SLC44A3: variants seen among roughly 807,000 people sequenced by gnomAD.
The protein encoded by SLC44A3 is solute carrier family 44 member 3.
A neutral mutation model predicts 75.4 loss-of-function variants in SLC44A3; 74 were observed. The observed-to-expected ratio is 0.98, with a 90% CI of 0.81 to 1.19. SLC44A3 has a LOEUF of 1.19. Among genes scored for constraint, SLC44A3 ranks in the 50% most tolerant of loss-of-function variants. The pLI is 0.00. For synonymous variants in SLC44A3, 310 were observed against 296.9 expected (o/e 1.04, Z -0.45); for missense variants, 700 against 778.6 (o/e 0.90, Z 1.20).
chr1:94,839,989 A>C lies in SLC44A3; in HGVS notation c.712A>C (p.Thr238Pro). Residue 238 changes from threonine to proline, a missense_variant, in exon 7 of 15, where the codon ACC becomes CCC. Physicochemically the swap from Thr to Pro is conservative, Grantham distance 38. Transcript: ENST00000271227. ...GATGTTTACCTTCAGATTCATCACC[A>C]CCCTTCTGGTTCACATTTTCATTTC... ...AMMFTFRFITTLLVHIFISLV... is the reference protein window; with the variant it reads ...AMMFTFRFITPLLVHIFISLV... The C allele has an allele frequency of 6.2e-7, 1 of 1,613,892 alleles. No homozygotes were observed. The highest frequency in any genetic ancestry group is 8.5e-7 in the Non-Finnish European group (1 of 1,179,972).
Position 94,820,930 on chromosome 1 carries a change from C to T in SLC44A3, c.28-19C>T. ...CACCTGTTTATCTTCTTTTTCTCAA[C>T]TCTCCCTTTTTCTGGAAGGTTTCTG... On this transcript the variant is annotated intron_variant, in intron 1 of 14. Coordinates refer to ENST00000271227, the MANE Select transcript of SLC44A3 (RefSeq NM_001114106.3). 6.5e-7 allele frequency: 1 copy of T among 1,545,962 alleles called. No individual in the cohort carries two copies. Among genetic ancestry groups the T allele is most frequent in the East Asian group, 2.4e-5 (1 of 40,872 alleles).
At chr1:94,886,640 G>A (rs1326716851) in intron 12 of SLC44A3, among the ~76,000 whole-genome samples, 1 of 152,054 alleles carries the variant, frequency 6.6e-6, no homozygotes, top group Non-Finnish European at 1.5e-5. Context: ...TCTGCTCTTT[G>A]TGGCCCTCAC....
intron 12 of SLC44A3, among the ~76,000 whole-genome samples, chr1:94,875,607 C>T (rs942397194): frequency 2.9e-5 from 4 of 137,948 alleles, no homozygotes; most frequent in African/African-American, 8.2e-5. Flanking sequence ...CTATGTAAAT[C>T]TCCCCCATAT....
At chr1:94,839,584 T>C (rs1464514320) in intron 6 of SLC44A3, among the ~76,000 whole-genome samples, 1 of 152,106 alleles carries the variant, frequency 6.6e-6, no homozygotes, top group Non-Finnish European at 1.5e-5. Flanking sequence ...AGATGGGGTT[T>C]TGCCAGGTTG....
intron 1 of SLC44A3, 26 bp from the exon 2 acceptor site, chr1:94,820,923 T>A (rs1333457011): frequency 6.5e-7 from 1 of 1,544,404 alleles, no homozygotes; most frequent in Non-Finnish European, 8.8e-7. Flanking sequence ...TATCTTCTTT[T>A]TCTCAACTCT....
chr1:94,840,060 GAT>G, intron 7 of SLC44A3, 23 bp downstream of exon 7: 1 of 1,586,062 alleles, frequency 6.3e-7, no homozygotes, highest in Non-Finnish European at 8.7e-7. Flanking sequence ...CTACTTGACT[GAT>G]TTCTTTTCGA....
intron 14 of SLC44A3, 105 bp from the exon 15 acceptor site, chr1:94,894,713 C>G: frequency 1.1e-6 from 1 of 873,170 alleles, no homozygotes; most frequent in Non-Finnish European, 1.8e-6. Context: ...TAAGTTAATT[C>G]TTCAGCAAAC....
chr1:94,869,113 T>G (rs1444334226), intron 12 of SLC44A3, among the ~76,000 whole-genome samples: 2 of 152,262 alleles, frequency 1.3e-5, no homozygotes, highest in Non-Finnish European at 2.9e-5. Flanking sequence ...TGAAACACAT[T>G]TGAAAACCTC....
chr1:94,884,341 ATG>A (rs1669329696), intron 12 of SLC44A3, among the ~76,000 whole-genome samples: 1 of 152,136 alleles, frequency 6.6e-6, no homozygotes, highest in African/African-American at 2.4e-5. Context: ...CTCACTCCAC[ATG>A]TGTTTGTGAT....
intron 11 of SLC44A3, among the ~76,000 whole-genome samples, chr1:94,866,329 G>A (rs1211471710): frequency 6.6e-6 from 1 of 152,178 alleles, no homozygotes; most frequent in African/African-American, 2.4e-5. Flanking sequence ...AAGGACCTCA[G>A]TGGAAGGCCC....
chr1:94,883,660 AC>A (rs1186022323), intron 12 of SLC44A3, among the ~76,000 whole-genome samples: 1 of 152,178 alleles, frequency 6.6e-6, no homozygotes, highest in African/African-American at 2.4e-5. Context: ...TCTTATCTAC[AC>A]TGCCTAAACT....
chr1:94,829,826 G>A (rs1661886714), intron 5 of SLC44A3, among the ~76,000 whole-genome samples: 1 of 152,154 alleles, frequency 6.6e-6, no homozygotes, highest in African/African-American at 2.4e-5. Context: ...TTGAACTCTT[G>A]TTTGGGACTT....
intron 12 of SLC44A3, among the ~76,000 whole-genome samples, chr1:94,888,146 C>T (rs1299004184): frequency 6.6e-6 from 1 of 152,170 alleles, no homozygotes; most frequent in African/African-American, 2.4e-5. Flanking sequence ...CCAAGACCAA[C>T]AGCTAGTCAG....
Position 94,842,073 on chromosome 1 carries a change from G to A in SLC44A3, c.834G>A (p.Arg278=), listed in dbSNP as rs1030191969. 1 of 1,613,552 alleles carries A rather than the reference G, an allele frequency of 6.2e-7. No individual in the cohort carries two copies. The highest frequency in any genetic ancestry group is 1.1e-5 in the South Asian group (1 of 90,944). Residue 278 remains arginine (R), a synonymous_variant, in exon 8 of 15, where the codon AGG becomes AGA. Transcript: ENST00000271227. ...TCAGCATAGAATTGGACACAGAAAG[G>A]GAAAATATGAAGTGCGTGCTGGGGT... is the stretch of plus-strand genomic sequence containing the variant. The part of the protein sequence containing the change: ...NDLSIELDTE[R]ENMKCVLGFA...
At chr1:94,869,946 T>C (rs1667575255) in intron 12 of SLC44A3, among the ~76,000 whole-genome samples, 1 of 152,210 alleles carries the variant, frequency 6.6e-6, no homozygotes, top group South Asian at 2.1e-4. Context: ...CCATCAAAAC[T>C]CAGATGCTCA....
At chr1:94,873,931 C>T (rs1053697554) in intron 12 of SLC44A3, among the ~76,000 whole-genome samples, 3 of 152,214 alleles carry the variant, frequency 2.0e-5, no homozygotes, top group Non-Finnish European at 4.4e-5. Context: ...CACGTAGCAT[C>T]CAGACAGCCA....
intron 12 of SLC44A3, among the ~76,000 whole-genome samples, chr1:94,886,393 C>G (rs1032924548): frequency 5.9e-5 from 9 of 152,082 alleles, no homozygotes; most frequent in Non-Finnish European, 1.2e-4. Context: ...ATCAGCCCCA[C>G]CCACCGAGGG....
chr1:94,890,478 A>G (rs1670088152), intron 12 of SLC44A3, among the ~76,000 whole-genome samples: 1 of 152,194 alleles, frequency 6.6e-6, no homozygotes, highest in Non-Finnish European at 1.5e-5. Context: ...TCTTAGGCAC[A>G]TAGTGCATTT....
Position 94,884,486 on chromosome 1 carries a change from A to C in SLC44A3, c.1483-6644A>C, listed in dbSNP as rs117424936. On this transcript the variant is annotated intron_variant, in intron 12 of 14. Transcript: ENST00000271227. ...ACTGTATTTTTTTTCAGTTCTGAGG[A>C]AAGTATGAATGCCAGTGTTATTTAT... Among the ~76,000 whole-genome samples the C allele has an allele frequency of 2.3e-3, 356 of 152,280 alleles. 15 individuals are homozygous for C. In the East Asian group the frequency reaches 0.063, roughly 27 times the overall value.
Sources: allele counts gnomAD v4.1 joint callset (sites outside exome capture counted in the v4.1 genomes callset), GRCh38; gene constraint gnomAD v4.1.1; transcripts MANE v1.5; gene names NCBI Gene and HGNC (gene_info 2026-07-23, HGNC 2026-07-21).